The following PKD1L3 variants were observed in gnomAD, a reference collection of about 807,000 sequenced individuals.
The protein encoded by PKD1L3 is polycystin-1-like protein 3.
PKD1L3 carries 239 observed loss-of-function variants against 184.1 expected under a neutral mutation model. The ratio of observed to expected loss-of-function variants is 1.30; its 90% CI spans 1.17 to 1.45. The LOEUF (loss-of-function observed/expected upper bound fraction) is 1.45, where lower values mean the gene tolerates loss of function less well. PKD1L3 is among the 40% of genes most tolerant of loss of function. The pLI is 0.00. For synonymous variants in PKD1L3, 996 were observed against 778.8 expected (o/e 1.28, Z -4.64); for missense variants, 2,660 against 2,067.2 (o/e 1.29, Z -5.56).
intron 2 of PKD1L3, 48 bp from the exon 3 acceptor site, chr16:71,993,380 C>G (rs531959045): frequency 8.4e-7 from 1 of 1,197,546 alleles, no homozygotes; most frequent in Non-Finnish European, 1.2e-6. Flanking sequence ...ATAGCTATGG[C>G]TACAAGTCTA....
At chr16:71,969,148 C>G (rs1197522261) in intron 13 of PKD1L3, among the ~76,000 whole-genome samples, 1 of 151,698 alleles carries the variant, frequency 6.6e-6, no homozygotes, top group African/African-American at 2.4e-5. Flanking sequence ...CCAGGCTGGT[C>G]TCAAACTCCT....
At chr16:71,935,741 T>C (rs2038152013) in intron 25 of PKD1L3, among the ~76,000 whole-genome samples, 1 of 152,216 alleles carries the variant, frequency 6.6e-6, no homozygotes, top group African/African-American at 2.4e-5. Context: ...ATTGGATACA[T>C]TTATTCTTTT....
At chr16:71,947,622 C>T in intron 21 of PKD1L3, 31 bp from the exon 22 acceptor site, 1 of 1,359,984 alleles carries the variant, frequency 7.4e-7, no homozygotes, top group Non-Finnish European at 1.0e-6. Flanking sequence ...ACATCGTGAG[C>T]AGACATTACA....
intron 25 of PKD1L3, 63 bp downstream of exon 25, chr16:71,937,229 T>C: frequency 1.3e-6 from 2 of 1,485,030 alleles, no homozygotes; most frequent in South Asian, 2.5e-5. Flanking sequence ...GTAATTTTTG[T>C]AGTCTGGTAA....
At chr16:71,935,969 T>G (rs1412737175) in intron 25 of PKD1L3, among the ~76,000 whole-genome samples, 1 of 151,984 alleles carries the variant, frequency 6.6e-6, no homozygotes, top group African/African-American at 2.4e-5. Flanking sequence ...CTAAGTTTTG[T>G]ATTTTTTGTA....
In PKD1L3 at chr16:71,949,973, T is replaced by G. The variant is rs1048555049; in HGVS notation, c.3428A>C (p.Lys1143Thr). The change falls in exon 21 of 30, where the codon AAG becomes ACG. Residue 1143 changes from lysine (K) to threonine (T), a missense_variant. Physicochemically the swap from Lys to Thr is moderately conservative, Grantham distance 78 (BLOSUM62 -1). Coordinates refer to ENST00000620267, the MANE Select transcript of PKD1L3 (RefSeq NM_181536.2). Reference sequence around the variant, plus strand: ...TTTGGACAGGCCATTTGAGATGGGCTTTTTTCCTTCTTCTGAGCTCAGGAT... The same window carrying G: ...TTTGGACAGGCCATTTGAGATGGGCGTTTTTCCTTCTTCTGAGCTCAGGAT... ...FAILSSEEGK[K>T]PISNGLSKWL... The G allele has an allele frequency of 3.9e-6, 6 of 1,551,468 alleles. No individual in the cohort carries two copies. The highest frequency in any genetic ancestry group is 4.4e-6 in the Non-Finnish European group (5 of 1,146,976).
chr16:71,968,032 A>C, intron 13 of PKD1L3, 25 bp from the exon 14 acceptor site: 1 of 1,523,574 alleles, frequency 6.6e-7, no homozygotes, highest in East Asian at 2.5e-5. Flanking sequence ...GAACCATGCA[A>C]CTTACTAGGC....
chr16:71,967,779 A>T, intron 14 of PKD1L3, 127 bp downstream of exon 14: 1 of 812,276 alleles, frequency 1.2e-6, no homozygotes, highest in Non-Finnish European at 1.9e-6. Context: ...TGTACAGTTT[A>T]GAACTAGAAA....
rs376093543 is a variant in PKD1L3 at position 71,986,148 on chromosome 16, G to T, written c.834+73C>A. 4.8e-5 allele frequency: 72 copies of T among 1,501,450 alleles called. 1 individual carries two copies. Among genetic ancestry groups the T allele is most frequent in the Admixed American group, 3.0e-4 (15 of 49,844 alleles). The allele number at this position is 1,501,450 out of a possible 1,614,324, so 93.0% of individuals were successfully genotyped here. On this transcript the variant is annotated intron_variant, in intron 5 of 29. Coordinates refer to ENST00000620267, the MANE Select transcript of PKD1L3 (RefSeq NM_181536.2). ...GGCATTCTTAGGTGTAGTTCTGCAG[G>T]GAGGCAAATGGGTGAACCAAGTACT...
chr16:71,953,049 G>T lies in PKD1L3; in HGVS notation c.2854C>A (p.His952Asn), dbSNP rs756851793. 1 of 1,537,948 alleles carries T rather than the reference G, an allele frequency of 6.5e-7. No individual in the cohort carries two copies. Among genetic ancestry groups the T allele is most frequent in the Non-Finnish European group, 8.8e-7 (1 of 1,141,934 alleles). The change falls in exon 18 of 30, where the codon CAT (histidine) becomes AAT (asparagine). Residue 952 changes from histidine (H) to asparagine (N), a missense_variant. By Grantham distance (68) the His-to-Asn change is moderately conservative (BLOSUM62 1). Coordinates refer to ENST00000620267, the MANE Select transcript of PKD1L3 (RefSeq NM_181536.2). ...ATTGGGAAGAGGATGACAGCAGTAT[G>T]GATGCTGACCAGCAGTTCAGACCAG... The part of the protein sequence containing the change: ...VAWSELLVSI[H>N]TAVILFPINL...
intron 15 of PKD1L3, among the ~76,000 whole-genome samples, chr16:71,964,045 C>G (rs1001334635): frequency 6.6e-6 from 1 of 152,124 alleles, no homozygotes; most frequent in African/African-American, 2.4e-5. Flanking sequence ...TCTACTTAGT[C>G]TCATCTCCGC....
At chr16:71,972,373 C>A (rs1360190082) in intron 12 of PKD1L3, among the ~76,000 whole-genome samples, 1 of 152,208 alleles carries the variant, frequency 6.6e-6, no homozygotes, top group Non-Finnish European at 1.5e-5. Context: ...GCACTCCAGC[C>A]TGGGCAACAA....
At chr16:71,983,663 C>CTTTTTTTTTTTT (rs1180950058) in intron 6 of PKD1L3, among the ~76,000 whole-genome samples, 1 of 100,336 alleles carries the variant, frequency 1.0e-5, no homozygotes, top group South Asian at 3.0e-4. Flanking sequence ...GATTCTCTTT[C>CTTTTTTTTTTTT]TTTTTTTTTT....
At chr16:71,962,176 G>C (rs1031688315) in intron 16 of PKD1L3, among the ~76,000 whole-genome samples, 1 of 151,902 alleles carries the variant, frequency 6.6e-6, no homozygotes, top group African/African-American at 2.4e-5. Flanking sequence ...TGTCCACCTC[G>C]GCCTCCCAAA....
chr16:71,972,280 T>A (rs2039743784), intron 12 of PKD1L3, among the ~76,000 whole-genome samples: 1 of 152,034 alleles, frequency 6.6e-6, no homozygotes, highest in South Asian at 2.1e-4. Flanking sequence ...ATGCCTGTAA[T>A]CCCAGCTACT....
chr16:71,945,398 ATTTATTTATTTATT>A (rs1241680796), intron 22 of PKD1L3, among the ~76,000 whole-genome samples: 1 of 83,602 alleles, frequency 1.2e-5, no homozygotes, highest in Non-Finnish European at 2.5e-5. Flanking sequence ...ATATATATAT[ATTTATTTATTTATT>A]TATTTATTTA....
In PKD1L3 at chr16:71,929,628, T is replaced by C. The variant is rs1225116329; in HGVS notation, c.5109A>G (p.Leu1703=). ...DTLLQKLSNL[L]GISWPQKTSS... ...AGGTTTTTTGGGGCCAACTGATTCC[T>C]AACAAATTTGAGAGCTTCTGTAGCA... The change falls in exon 30 of 30, where the codon TTA becomes TTG. Residue 1703 remains leucine (L), a synonymous_variant. Coordinates refer to ENST00000620267, the MANE Select transcript of PKD1L3 (RefSeq NM_181536.2). 9.0e-6 allele frequency: 14 copies of C among 1,551,654 alleles called. No individual in the cohort carries two copies. Among genetic ancestry groups the C allele is most frequent in the Admixed American group, 2.0e-5 (1 of 50,966 alleles).
intron 16 of PKD1L3, among the ~76,000 whole-genome samples, chr16:71,961,800 TG>T (rs2039291004): frequency 6.6e-6 from 1 of 152,202 alleles, no homozygotes; most frequent in South Asian, 2.1e-4. Context: ...CACTCAGTTT[TG>T]GGAGTAATTT....
intron 15 of PKD1L3, among the ~76,000 whole-genome samples, chr16:71,963,698 G>C (rs2039379758): frequency 6.6e-6 from 1 of 152,138 alleles, no homozygotes; most frequent in Non-Finnish European, 1.5e-5. Context: ...TGGAAGGATT[G>C]TTTGAGCCCG....
Sources: gnomAD v4.1 joint callset for allele counts (sites outside exome capture counted in the v4.1 genomes callset) on GRCh38, gnomAD v4.1.1 for gene constraint, MANE v1.5 for transcripts, NCBI Gene and HGNC (gene_info 2026-07-23, HGNC 2026-07-21) for gene names.